ELP6: variants seen among roughly 807,000 people sequenced by gnomAD.
ELP6 encodes the protein elongator complex protein 6.
A neutral mutation model predicts 28.1 loss-of-function variants in ELP6; 23 were observed. The observed-to-expected ratio is 0.82, with a 90% CI of 0.59 to 1.16. The LOEUF is 1.16. ELP6 is among the 50% of genes most tolerant of loss of function. The pLI, the probability that ELP6 is intolerant of heterozygous loss-of-function variation, is 0.00. For missense variants in ELP6, 313 were observed against 334.6 expected (o/e 0.94, Z 0.50); for synonymous variants, 132 against 135.8 (o/e 0.97, Z 0.19).
chr3:47,499,531 A>AT (rs1162514759), intron 5 of ELP6, among the ~76,000 whole-genome samples: 1 of 83,032 alleles, frequency 1.2e-5, no homozygotes, highest in Non-Finnish European at 2.5e-5. Context: ...AAAAAAAAAA[A>AT]AAAAAAGCCA....
intron 6 of ELP6, chr3:47,497,248 GT>G: frequency 1.0e-6 from 1 of 985,416 alleles, no homozygotes; most frequent in Non-Finnish European, 1.2e-6. Flanking sequence ...AGGACTCTCA[GT>G]TTCTGCCCAA....
intron 3 of ELP6, among the ~76,000 whole-genome samples, chr3:47,508,155 C>A (rs1396208762): frequency 6.6e-6 from 1 of 152,230 alleles, no homozygotes; most frequent in Non-Finnish European, 1.5e-5. Context: ...ATTCTCTCAC[C>A]TCCTCATTTG....
At chr3:47,498,491 G>C (rs1708545860) in intron 5 of ELP6, 59 bp from the exon 6 acceptor site, 1 of 1,588,280 alleles carries the variant, frequency 6.3e-7, no homozygotes, top group African/African-American at 1.3e-5. Flanking sequence ...CAGAGTCAGG[G>C]AGTGCCAGCC....
chr3:47,497,000 A>G (rs1351564749), intron 6 of ELP6: 1 of 985,300 alleles, frequency 1.0e-6, no homozygotes, highest in Non-Finnish European at 1.2e-6. Flanking sequence ...GCCCTGCTGC[A>G]GCACTACACA....
chr3:47,500,322 G>T, intron 5 of ELP6: 1 of 834,332 alleles, frequency 1.2e-6, no homozygotes, highest in Non-Finnish European at 1.5e-6. Flanking sequence ...GGCCGAGGCA[G>T]TAGAATCACC....
intron 1 of ELP6, 59 bp from the exon 2 acceptor site, chr3:47,511,285 C>T: frequency 6.3e-7 from 1 of 1,578,910 alleles, no homozygotes; most frequent in Non-Finnish European, 8.7e-7. Flanking sequence ...CAGCTTAGTG[C>T]AGAAATCTAG....
Position 47,496,110 on chromosome 3 carries a change from C to G in ELP6, c.760G>C (p.Val254Leu). Residue 254 changes from valine (V) to leucine (L), a missense_variant, in exon 7 of 7, where the codon GTG becomes CTG. By Grantham distance (32) the Val-to-Leu change is conservative (BLOSUM62 1). Transcript: ENST00000296149. ...TYQYKIQDKS[V>L]SFFAKGMSPA... Reference sequence around the variant, plus strand: ...GACATTCCTTTGGCAAAAAAGGACACGCTTTTGTCCTGTATCTTATACTGG... The same window carrying G: ...GACATTCCTTTGGCAAAAAAGGACAGGCTTTTGTCCTGTATCTTATACTGG... 6.2e-7 allele frequency: 1 copy of G among 1,614,132 alleles called. No individual in the cohort carries two copies. Among genetic ancestry groups the G allele is most frequent in the Non-Finnish European group, 8.5e-7 (1 of 1,180,032 alleles).
In ELP6 at chr3:47,501,668, G is replaced by C; in HGVS notation, c.507C>G (p.Thr169=). 6.2e-7 allele frequency: 1 copy of C among 1,613,918 alleles called. No individual in the cohort carries two copies. The highest frequency in any genetic ancestry group is 8.5e-7 in the Non-Finnish European group (1 of 1,179,978). ...TGAGTACCTTTAGTTCCCAGCACAC[G>C]GTGGCTCTGCAGTAGTGAATGAAGT... ...VLDFIHYCRA[T]VCWELKGNMV... The change falls in exon 5 of 7, where the codon ACC becomes ACG. Residue 169 remains threonine (T), a synonymous_variant. Coordinates refer to ENST00000296149, the MANE Select transcript of ELP6 (RefSeq NM_001031703.3).
chr3:47,498,530 C>G (rs1250619939), intron 5 of ELP6, 98 bp from the exon 6 acceptor site: 1 of 1,546,672 alleles, frequency 6.5e-7, no homozygotes, highest in Non-Finnish European at 8.7e-7. Context: ...CCTGTACATC[C>G]TCTCACAGAT....
At chr3:47,501,379 A>C in intron 5 of ELP6, 1 of 477,704 alleles carries the variant, frequency 2.1e-6, no homozygotes, top group Non-Finnish European at 3.8e-6. Context: ...CAGGACACAC[A>C]GGCTATTCTG....
chr3:47,508,745 T>C (rs1708920789), intron 3 of ELP6, among the ~76,000 whole-genome samples: 1 of 151,206 alleles, frequency 6.6e-6, no homozygotes. Flanking sequence ...GAGTTGCATC[T>C]CTGGGAGATT....
intron 3 of ELP6, among the ~76,000 whole-genome samples, chr3:47,507,198 A>G (rs995477683): frequency 1.3e-5 from 2 of 151,798 alleles, no homozygotes; most frequent in African/African-American, 4.8e-5. Context: ...CCCTGTCTCT[A>G]TGAAAATACA....
At chr3:47,508,215 GATTTT>G (rs759654742) in intron 3 of ELP6, among the ~76,000 whole-genome samples, 8 of 152,280 alleles carry the variant, frequency 5.3e-5, no homozygotes, top group Non-Finnish European at 8.8e-5. Context: ...AGTAAGACTG[GATTTT>G]ATTTTATTTT....
chr3:47,497,557 G>A (rs1176356231), intron 6 of ELP6, among the ~76,000 whole-genome samples: 3 of 151,560 alleles, frequency 2.0e-5, no homozygotes, highest in Admixed American at 6.6e-5. Flanking sequence ...GGCTGGTCTC[G>A]AATTCCTGAC....
At chr3:47,513,315 A>G (rs1040922372) in intron 1 of ELP6, 9 of 1,371,334 alleles carry the variant, frequency 6.6e-6, no homozygotes, top group Non-Finnish European at 8.4e-6. Flanking sequence ...TTTTAAGGAC[A>G]CGCACAGCCG....
chr3:47,503,349 A>G, intron 4 of ELP6: 1 of 1,289,814 alleles, frequency 7.8e-7, no homozygotes, highest in Non-Finnish European at 1.0e-6. Context: ...TCACAGAGCT[A>G]TGTTTGTGGC....
intron 6 of ELP6, 199 bp downstream of exon 6, chr3:47,498,087 G>T: frequency 7.3e-7 from 1 of 1,376,818 alleles, no homozygotes; most frequent in Non-Finnish European, 9.6e-7. Context: ...GGACCCCCAT[G>T]GAAAACGTGG....
chr3:47,496,152 C>A lies in ELP6; in HGVS notation c.718G>T (p.Asp240Tyr), dbSNP rs765859424. The A allele has an allele frequency of 6.2e-7, 1 of 1,614,134 alleles. No homozygotes were observed. The highest frequency in any genetic ancestry group is 8.5e-7 in the Non-Finnish European group (1 of 1,180,036). The change falls in exon 7 of 7, where the codon GAT becomes TAT. Residue 240 changes from aspartate (D) to tyrosine (Y), a missense_variant. Coordinates refer to ENST00000296149, the MANE Select transcript of ELP6 (RefSeq NM_001031703.3). Reference sequence around the variant, plus strand: ...TTATACTGGTAAGTGAAGCTCTGATCCCGGTGGACTGCGGGCTGCGATGGT... The same window carrying A: ...TTATACTGGTAAGTGAAGCTCTGATACCGGTGGACTGCGGGCTGCGATGGT... ...RRPSQPAVHR[D>Y]QSFTYQYKIQ...
chr3:47,499,839 C>T (rs529149226), intron 5 of ELP6: 257 of 1,173,612 alleles, frequency 2.2e-4, no homozygotes, highest in Non-Finnish European at 2.6e-4. Flanking sequence ...ACTGCTGCCA[C>T]AGAACTCAGC....
Sources: gnomAD v4.1 joint callset for allele counts (sites outside exome capture counted in the v4.1 genomes callset) on GRCh38, gnomAD v4.1.1 for gene constraint, MANE v1.5 for transcripts, NCBI Gene and HGNC (gene_info 2026-07-23, HGNC 2026-07-21) for gene names.